CLCN7: variants seen among roughly 807,000 people sequenced by gnomAD.
The protein encoded by CLCN7 is H(+)/Cl(-) exchange transporter 7.
Under a neutral mutation model 102.1 loss-of-function variants are expected in CLCN7, and 60 were observed. The observed-to-expected ratio is 0.59, with a 90% CI of 0.48 to 0.73. CLCN7 has a LOEUF of 0.73. Ranked by LOEUF, CLCN7 falls within the 30% of genes least tolerant of loss-of-function variation. CLCN7 has a pLI of 0.00. For synonymous variants in CLCN7, 560 were observed against 490.5 expected, an observed-to-expected ratio of 1.14 and a Z score of -1.87; for missense variants, 962 against 1,125.7, an observed-to-expected ratio of 0.85 and a Z score of 2.08.
Position 1,446,197 on chromosome 16 carries a change from C to T in CLCN7, c.*434G>A, listed in dbSNP as rs2038636747. The T allele has an allele frequency of 3.2e-6, 2 of 619,104 alleles. No homozygotes were observed. The highest frequency in any genetic ancestry group is 5.7e-6 in the Non-Finnish European group (2 of 349,694). The allele number at this position is 619,104 out of a possible 1,614,324, so 38.4% of individuals were successfully genotyped here. On this transcript the variant is annotated 3_prime_UTR_variant, in exon 25 of 25. Coordinates refer to ENST00000382745, the MANE Select transcript of CLCN7 (RefSeq NM_001287.6). ...AGCAGCTCCCAAGTCTCGAAGACTC[C>T]ACTGGTGTGGAGGCAGAGGGGCCCT...
At chr16:1,468,306 G>A (rs968309339) in intron 1 of CLCN7, among the ~76,000 whole-genome samples, 4 of 152,328 alleles carry the variant, frequency 2.6e-5, no homozygotes, top group East Asian at 3.9e-4. Flanking sequence ...AGATCCGAGA[G>A]GGGTGAGGGG....
At position 1,450,470 on chromosome 16, in the gene CLCN7, C is replaced by T. The variant is rs985293647; in HGVS notation, c.1617+27G>A. On this transcript the variant is annotated intron_variant, in intron 17 of 24. Coordinates refer to ENST00000382745, the MANE Select transcript of CLCN7 (RefSeq NM_001287.6). ...AAGACCTGGCTCAGCTGCAGGGCCCCACAGCCTCCCCTCCGGCCCCACTCA... is the reference window on the plus strand; with the variant it reads ...AAGACCTGGCTCAGCTGCAGGGCCCTACAGCCTCCCCTCCGGCCCCACTCA... 1.9e-6 allele frequency: 3 copies of T among 1,573,706 alleles called. No individual in the cohort carries two copies. In the East Asian group the frequency reaches 6.9e-5, roughly 36 times the overall value.
chr16:1,474,825 C>A lies in CLCN7; in HGVS notation c.141+9G>T, dbSNP rs1318556681. On this transcript the variant is annotated intron_variant, in intron 1 of 24. Coordinates refer to ENST00000382745, the MANE Select transcript of CLCN7 (RefSeq NM_001287.6). ...TCAGTTTCCCCGCCTGCGCCCTGCCCGGCCTCACCTGGCGCGCAGCCCCAG... is the reference window on the plus strand; with the variant it reads ...TCAGTTTCCCCGCCTGCGCCCTGCCAGGCCTCACCTGGCGCGCAGCCCCAG... 1.5e-6 allele frequency: 2 copies of A among 1,336,518 alleles called. No individual in the cohort carries two copies. The highest frequency in any genetic ancestry group is 1.5e-5 in the African/African-American group (1 of 64,534). The allele number at this position is 1,336,518 out of a possible 1,614,324, so 82.8% of individuals were successfully genotyped here.
Position 1,447,018 on chromosome 16 carries a change from G to C in CLCN7, c.2319C>G (p.Asp773Glu). The C allele has an allele frequency of 1.3e-6, 2 of 1,598,412 alleles. No homozygotes were observed. The highest frequency in any genetic ancestry group is 2.7e-5 in the African/African-American group (2 of 74,720). The change falls in exon 24 of 25, where the codon GAC becomes GAG. Residue 773 changes from aspartate to glutamate, a missense_variant. By Grantham distance (45) the Asp-to-Glu change is conservative. Coordinates refer to ENST00000382745, the MANE Select transcript of CLCN7 (RefSeq NM_001287.6). ...ALGLRHLVVV[D>E]NRNQVVGLVT... The stretch of plus-strand genomic sequence containing the variant: ...CGCCCCCGCTCACCTGATTGCGGTT[G>C]TCCACCACCACCAGGTGCCGCAGGC...
Position 1,461,804 on chromosome 16 carries a change from A to G in CLCN7, c.214-130T>C, listed in dbSNP as rs981634189. The G allele has an allele frequency of 7.3e-6, 6 of 817,854 alleles. No homozygotes were observed. In the African/African-American group the frequency reaches 8.4e-5, roughly 11 times the overall value. 50.7% of individuals were successfully genotyped at this position (817,854 alleles called of 1,614,324 possible). On this transcript the variant is annotated intron_variant, in intron 2 of 24. Coordinates refer to ENST00000382745, the MANE Select transcript of CLCN7 (RefSeq NM_001287.6). ...CAAGGACACAGCAAGAGAACTGCAC[A>G]TGGGGCGCGGTGGCTGACACCTACA...
Position 1,450,519 on chromosome 16 carries a change from AG to A in CLCN7, c.1594del (p.Leu532CysfsTer18). ...CACCGCCGCCCCCGTGAGGTAGGAC[AG>A]GGAGATCCCAAAGAGCCGGCCCCAG... ...AAWGRLFGIS[L>X]SYLTGAAIWA... On this transcript the variant is annotated frameshift_variant, in exon 17 of 25. Transcript: ENST00000382745. LOFTEE classifies it high-confidence loss of function. 1 of 1,608,306 alleles carries A rather than the reference AG, an allele frequency of 6.2e-7. No homozygotes were observed. The highest frequency in any genetic ancestry group is 8.5e-7 in the Non-Finnish European group (1 of 1,178,150).
intron 23 of CLCN7, 114 bp from the exon 24 acceptor site, chr16:1,447,200 C>T: frequency 8.3e-7 from 1 of 1,210,606 alleles, no homozygotes. Context: ...GTCCTGAGCC[C>T]CCACGCCCGT....
At chr16:1,450,152 A>T in intron 17 of CLCN7, 1 of 374,086 alleles carries the variant, frequency 2.7e-6, no homozygotes, top group Non-Finnish European at 5.1e-6. Flanking sequence ...CACAGAGAGC[A>T]GCCCTGGCCG....
chr16:1,452,629 G>T, intron 15 of CLCN7, 126 bp downstream of exon 15: 1 of 1,014,664 alleles, frequency 9.9e-7, no homozygotes. Context: ...TTTGAGACAC[G>T]CCAGCCCATG....
At chr16:1,448,601 C>T (rs1233966590) in intron 20 of CLCN7, 80 bp downstream of exon 20, 54 of 1,602,484 alleles carry the variant, frequency 3.4e-5, no homozygotes, top group South Asian at 5.5e-5. Context: ...GCCTGGAGCC[C>T]GCAAGCCGTG....
chr16:1,446,068 A>G lies in CLCN7; in HGVS notation c.*563T>C. The G allele has an allele frequency of 1.7e-6, 1 of 585,230 alleles. No homozygotes were observed. The highest frequency in any genetic ancestry group is 3.0e-6 in the Non-Finnish European group (1 of 330,456). 36.3% of individuals were successfully genotyped at this position (585,230 alleles called of 1,614,324 possible). A position where few individuals can be genotyped will look rare whatever the true frequency, so the allele number is the denominator to read the frequency against. On this transcript the variant is annotated 3_prime_UTR_variant, in exon 25 of 25. Transcript: ENST00000382745. Reference sequence around the variant, plus strand: ...GGGCTCCTCTGTGGCGCCAGTGTGAAGCTGCTCTCCGGGGCGGTCGCAGCC... The same window carrying G: ...GGGCTCCTCTGTGGCGCCAGTGTGAGGCTGCTCTCCGGGGCGGTCGCAGCC...
At chr16:1,447,164 C>A in intron 23 of CLCN7, 78 bp from the exon 24 acceptor site, 2 of 1,373,208 alleles carry the variant, frequency 1.5e-6, no homozygotes, top group African/African-American at 2.9e-5. Flanking sequence ...TGGCTCCCTG[C>A]ACCCCCCACC....
At chr16:1,474,084 CA>C (rs55927314) in intron 1 of CLCN7, 16,412 of 386,176 alleles carry the variant, frequency 0.042, no homozygotes, top group Non-Finnish European at 0.054. Context: ...AACTCCGTCT[CA>C]AAAAAAAAAA....
At chr16:1,450,007 A>G (rs1439373785) in intron 17 of CLCN7, 2 of 174,552 alleles carry the variant, frequency 1.1e-5, no homozygotes, top group African/African-American at 4.8e-5. Flanking sequence ...ACAGGTTTTC[A>G]GTCTTATTTA....
intron 17 of CLCN7, chr16:1,450,289 A>G: frequency 1.8e-6 from 1 of 551,760 alleles, no homozygotes; most frequent in South Asian, 2.0e-5. Flanking sequence ...CAGACTCCAC[A>G]CATGGGCTGC....
intron 15 of CLCN7, 45 bp from the exon 16 acceptor site, chr16:1,451,761 G>A: frequency 6.5e-7 from 1 of 1,527,718 alleles, no homozygotes; most frequent in Non-Finnish European, 9.0e-7. Context: ...GAGATGAGCT[G>A]GTGGGCTGCA....
In CLCN7 at chr16:1,457,952, C is replaced by G. The variant is rs1029323315; in HGVS notation, c.676-196G>C. On this transcript the variant is annotated intron_variant, in intron 7 of 24. Coordinates refer to ENST00000382745, the MANE Select transcript of CLCN7 (RefSeq NM_001287.6). This position sits in a 1 kb window ranked among gnomAD's most constrained non-coding sequence, Gnocchi z 5.4. Reference sequence around the variant, plus strand: ...AAACAGCAGCCAAGCGTCCCCCGCACTCACTCGGGGGACCTGCCCTCTGTG... The same window carrying G: ...AAACAGCAGCCAAGCGTCCCCCGCAGTCACTCGGGGGACCTGCCCTCTGTG... Among the ~76,000 whole-genome samples the G allele has an allele frequency of 5.3e-5, 8 of 152,218 alleles. No individual in the cohort carries two copies. The highest frequency in any genetic ancestry group is 4.6e-4 in the Admixed American group (7 of 15,294).
In CLCN7 at chr16:1,460,933, C is replaced by G. The variant is rs1225191254; in HGVS notation, c.367G>C (p.Glu123Gln). 1.9e-6 allele frequency: 3 copies of G among 1,613,520 alleles called. No homozygotes were observed. The African/African-American group carries it at 4.0e-5, about 22-fold the overall frequency. ...RINHTAFRTV[E>Q]IKRWVICALI... is the part of the protein sequence containing the mutation. ...GCGCAGATGACCCAGCGCTTGATCT[C>G]CACCGTCCGGAAGGCCTGCAGGGCG... is the stretch of plus-strand genomic sequence containing the variant. Residue 123 changes from glutamate to glutamine, a missense_variant, in exon 5 of 25, where the codon GAG becomes CAG. By Grantham distance (29) the Glu-to-Gln change is conservative. Around this residue, in one of 2 missense-constraint regions of CLCN7, gnomAD observed 799 missense variants for 988.0 expected, o/e 0.81. Coordinates refer to ENST00000382745, the MANE Select transcript of CLCN7 (RefSeq NM_001287.6).
chr16:1,460,705 C>T (rs975919476), intron 5 of CLCN7, 111 bp downstream of exon 5: 18 of 1,533,596 alleles, frequency 1.2e-5, no homozygotes, highest in Non-Finnish European at 1.6e-5. Flanking sequence ...GCCAGCCTGG[C>T]CGGGCCGCCT....
Sources: allele counts gnomAD v4.1 joint callset (sites outside exome capture counted in the v4.1 genomes callset), GRCh38; gene constraint gnomAD v4.1.1; regional missense constraint gnomAD v4.1.1; non-coding constraint Gnocchi (gnomAD v3.1); transcripts MANE v1.5; gene names NCBI Gene and HGNC (gene_info 2026-07-23, HGNC 2026-07-21).